Variants in PPM1E observed in about 807,000 individuals in gnomAD.
PPM1E encodes protein phosphatase, Mg2+/Mn2+ dependent 1E.
PPM1E carries 20 observed loss-of-function variants against 65.9 expected under a neutral mutation model. The ratio of observed to expected loss-of-function variants is 0.30; its 90% confidence interval spans 0.21 to 0.44. The LOEUF is 0.44. Among genes scored for constraint, PPM1E ranks in the 20% least tolerant of loss-of-function variants. The pLI, the probability that PPM1E is intolerant of heterozygous loss-of-function variation, is 1.00. For synonymous variants in PPM1E, 352 were observed against 374.9 expected (o/e 0.94, Z 0.70); for missense variants, 713 against 953.1 (o/e 0.75, Z 3.32).
At chr17:58,969,329 G>C (rs2030449003) in intron 3 of PPM1E, 4 of 664,730 alleles carry the variant, frequency 6.0e-6, no homozygotes, top group Non-Finnish European at 1.1e-5. Context: ...ACATGTTCCA[G>C]TGTTCTGGTG....
chr17:58,959,759 T>A (rs973962884), intron 2 of PPM1E, among the ~76,000 whole-genome samples: 1 of 151,698 alleles, frequency 6.6e-6, no homozygotes, highest in Non-Finnish European at 1.5e-5. Flanking sequence ...GGGCCTACTA[T>A]ATATGCTACT....
chr17:58,958,087 G>A (rs1041156488), intron 2 of PPM1E, among the ~76,000 whole-genome samples: 1 of 152,102 alleles, frequency 6.6e-6, no homozygotes, highest in African/African-American at 2.4e-5. Context: ...AGGTTACAGT[G>A]AGCTGTGTAC....
chr17:58,839,725 C>G (rs925603280), intron 1 of PPM1E, among the ~76,000 whole-genome samples: 1 of 152,046 alleles, frequency 6.6e-6, no homozygotes, highest in Non-Finnish European at 1.5e-5. Context: ...TAGTGGGAGC[C>G]AGGTTTTTCA....
At chr17:58,825,772 G>A (rs2050529800) in intron 1 of PPM1E, among the ~76,000 whole-genome samples, 1 of 151,718 alleles carries the variant, frequency 6.6e-6, no homozygotes, top group Admixed American at 6.6e-5. Flanking sequence ...GTTTCACCAT[G>A]TTGGCCAGGC....
chr17:58,844,284 G>A (rs1399365013), intron 1 of PPM1E, among the ~76,000 whole-genome samples: 1 of 151,680 alleles, frequency 6.6e-6, no homozygotes, highest in African/African-American at 2.4e-5. Context: ...AATGTTTCTG[G>A]TATAAAAAAA....
At chr17:58,821,401 C>T (rs1158995979) in intron 1 of PPM1E, among the ~76,000 whole-genome samples, 1 of 152,186 alleles carries the variant, frequency 6.6e-6, no homozygotes, top group Non-Finnish European at 1.5e-5. Context: ...TGAGCCACCG[C>T]GCCCGGCCAG....
At chr17:58,826,497 G>T (rs1416883019) in intron 1 of PPM1E, among the ~76,000 whole-genome samples, 1 of 151,818 alleles carries the variant, frequency 6.6e-6, no homozygotes, top group Non-Finnish European at 1.5e-5. Context: ...TGAAGCAAGA[G>T]GTACATTAAC....
rs750287559 is a variant in PPM1E at position 58,969,548 on chromosome 17, G to C, written c.793G>C (p.Glu265Gln). Residue 265 changes from glutamate to glutamine, a missense_variant, in exon 4 of 7, where the codon GAA becomes CAA. Physicochemically the swap from Glu to Gln is conservative, Grantham distance 29 (BLOSUM62 2). Around this residue, in one of 6 missense-constraint regions of PPM1E, gnomAD observed 25 missense variants for 73.9 expected, o/e 0.34. Transcript: ENST00000308249. The part of the protein sequence containing the change: ...NMLFNLEDQE[E>Q]QAYFAVFDGH... The stretch of plus-strand genomic sequence containing the variant: ...GTGTTTCTGTTGACAGGACCAGGAA[G>C]AACAAGCTTACTTTGCAGTGTTTGA... 11 of 1,614,144 alleles carry C rather than the reference G, an allele frequency of 6.8e-6. No individual in the cohort carries two copies. The highest frequency in any genetic ancestry group is 9.3e-6 in the Non-Finnish European group (11 of 1,180,010).
chr17:58,873,087 T>C (rs1379182180), intron 1 of PPM1E, among the ~76,000 whole-genome samples: 1 of 152,210 alleles, frequency 6.6e-6, no homozygotes, highest in Non-Finnish European at 1.5e-5. Flanking sequence ...AAATTTGAAT[T>C]ACTCAGTTTC....
intron 1 of PPM1E, among the ~76,000 whole-genome samples, chr17:58,797,834 A>G (rs1356309133): frequency 6.6e-6 from 1 of 152,198 alleles, no homozygotes; most frequent in Non-Finnish European, 1.5e-5. Context: ...GCCACGAAAA[A>G]TGTATGGGAA....
chr17:58,905,472 T>G (rs1567870826), intron 1 of PPM1E, among the ~76,000 whole-genome samples: 1 of 152,102 alleles, frequency 6.6e-6, no homozygotes, highest in African/African-American at 2.4e-5. Flanking sequence ...ATCATGTAAT[T>G]TTTCTTTTTT....
Position 58,766,393 on chromosome 17 carries a change from G to A in PPM1E, c.464+9932G>A, listed in dbSNP as rs1040377915. On this transcript the variant is annotated intron_variant, in intron 1 of 6. Transcript: ENST00000308249. ...ATTTTTGCATTTTTAGTAGAGACAG[G>A]GTTTCATCATGTTGGTCAGGCTGGT... Among the ~76,000 whole-genome samples, 11 of 148,316 alleles carry A rather than the reference G, an allele frequency of 7.4e-5. No homozygotes were observed. In the Admixed American group the frequency reaches 7.5e-4, roughly 10 times the overall value.
chr17:58,781,229 C>T (rs2050046999), intron 1 of PPM1E, among the ~76,000 whole-genome samples: 1 of 151,012 alleles, frequency 6.6e-6, no homozygotes, highest in Non-Finnish European at 1.5e-5. Flanking sequence ...CAACCTCCAC[C>T]TCCTGGGTTC....
At chr17:58,784,062 G>A (rs1490534216) in intron 1 of PPM1E, among the ~76,000 whole-genome samples, 1 of 149,880 alleles carries the variant, frequency 6.7e-6, no homozygotes, top group Non-Finnish European at 1.5e-5. Context: ...TCACTCTGTT[G>A]CCCAGGCTGA....
intron 1 of PPM1E, among the ~76,000 whole-genome samples, chr17:58,774,858 CTTT>C (rs35302248): frequency 6.8e-6 from 1 of 146,112 alleles, no homozygotes. Flanking sequence ...CTGGGTAGTT[CTTT>C]TTTTTTTTTG....
intron 1 of PPM1E, among the ~76,000 whole-genome samples, chr17:58,923,034 C>T (rs1465985412): frequency 3.3e-5 from 5 of 152,022 alleles, no homozygotes; most frequent in Non-Finnish European, 5.9e-5. Context: ...GCTTGTAATT[C>T]CAAGACTTTG....
At chr17:58,951,141 A>G (rs1396026488) in intron 1 of PPM1E, 1 of 151,932 alleles carries the variant, frequency 6.6e-6, no homozygotes, top group East Asian at 1.9e-4. Context: ...TTCTATATGT[A>G]TTCTCTTGTA....
chr17:58,936,282 A>C (rs756829386), intron 1 of PPM1E, among the ~76,000 whole-genome samples: 1 of 152,134 alleles, frequency 6.6e-6, no homozygotes, highest in Non-Finnish European at 1.5e-5. Flanking sequence ...TTTTAGCTTA[A>C]TGTGTTATTC....
chr17:58,837,324 C>CACAT (rs201339990), intron 1 of PPM1E, among the ~76,000 whole-genome samples: 3,304 of 68,348 alleles, frequency 0.048, 58 homozygotes, highest in Middle Eastern at 0.091. Flanking sequence ...GAGAATAACA[C>CACAT]ACACACATAC....
Sources: gnomAD v4.1 joint callset for allele counts (sites outside exome capture counted in the v4.1 genomes callset) on GRCh38, gnomAD v4.1.1 for gene constraint, gnomAD v4.1.1 regional missense constraint, MANE v1.5 for transcripts, NCBI Gene and HGNC (gene_info 2026-07-23, HGNC 2026-07-21) for gene names.